The following CSMD2 variants were observed in gnomAD, a reference collection of about 807,000 sequenced individuals.
CSMD2 encodes the protein CUB and Sushi multiple domains 2, also known as CUB and sushi domain-containing protein 2.
A neutral mutation model predicts 398.5 loss-of-function variants in CSMD2; 130 were observed. That is an observed-to-expected ratio of 0.33 (90% confidence interval 0.28 to 0.38). The LOEUF is 0.38. CSMD2 is among the 10% of genes least tolerant of loss of function. The pLI is 1.00. For missense variants in CSMD2, 3,829 were observed against 4,764.9 expected (o/e 0.80, Z 5.78); for synonymous variants, 1,828 against 1,908.5 (o/e 0.96, Z 1.10).
rs145147930 is a variant in CSMD2 at position 33,918,253 on chromosome 1, G to C, written c.761C>G (p.Ser254Cys). ...GTACTCCGAGGGGAAGTGGGGGCTG[G>C]AGATGATGCCACTCTGGCCCCGCAG... is the stretch of plus-strand genomic sequence containing the variant. ...GTLRGQSGIISSPHFPSEYHN... is the reference protein window; with the variant it reads ...GTLRGQSGIICSPHFPSEYHN... The change falls in exon 5 of 71, where the codon TCC (serine) becomes TGC (cysteine). Residue 254 changes from serine to cysteine, a missense_variant. This residue lies in a region of CSMD2 where 2,001 missense variants were observed against 2,567.1 expected (regional missense o/e 0.78). Transcript: ENST00000373381. 6.8e-6 allele frequency: 11 copies of C among 1,613,956 alleles called. No individual in the cohort carries two copies. The highest frequency in any genetic ancestry group is 9.3e-6 in the Non-Finnish European group (11 of 1,180,028).
chr1:33,668,927 G>A (rs1262635472), intron 25 of CSMD2, among the ~76,000 whole-genome samples: 1 of 152,212 alleles, frequency 6.6e-6, no homozygotes, highest in African/African-American at 2.4e-5. Context: ...ATAATAATAT[G>A]TGCAATAGGT....
chr1:33,807,720 T>C (rs552401425), intron 10 of CSMD2, among the ~76,000 whole-genome samples: 1 of 152,326 alleles, frequency 6.6e-6, no homozygotes, highest in African/African-American at 2.4e-5. Flanking sequence ...CACAAAATTA[T>C]TGTTTAATGC....
intron 3 of CSMD2, among the ~76,000 whole-genome samples, chr1:34,022,837 GGTTT>G (rs1036827708): frequency 3.9e-5 from 6 of 152,056 alleles, no homozygotes; most frequent in African/African-American, 1.4e-4. Flanking sequence ...TTGTTGGTTT[GGTTT>G]GTTTGTTTGA....
At chr1:33,909,027 AG>A (rs1201662812) in intron 5 of CSMD2, among the ~76,000 whole-genome samples, 1 of 152,232 alleles carries the variant, frequency 6.6e-6, no homozygotes, top group African/African-American at 2.4e-5. Context: ...ACAGGAAGGC[AG>A]GAGGTCTGAG....
chr1:33,547,420 A>G (rs1348129639), intron 56 of CSMD2, among the ~76,000 whole-genome samples: 1 of 152,264 alleles, frequency 6.6e-6, no homozygotes, highest in Non-Finnish European at 1.5e-5. Flanking sequence ...TACAACTATC[A>G]TGGAATCTAT....
At chr1:33,956,306 C>T (rs1356043798) in intron 3 of CSMD2, among the ~76,000 whole-genome samples, 1 of 152,078 alleles carries the variant, frequency 6.6e-6, no homozygotes, top group Non-Finnish European at 1.5e-5. Flanking sequence ...GTACCCACTA[C>T]GCAATAACAC....
intron 28 of CSMD2, among the ~76,000 whole-genome samples, chr1:33,650,133 T>C (rs185422232): frequency 1.7e-3 from 259 of 152,358 alleles, no homozygotes; most frequent in African/African-American, 5.8e-3. Flanking sequence ...AACTGCCTTC[T>C]TTCTGTCTCT....
rs116501074 is a variant in CSMD2 at position 33,770,531 on chromosome 1, G to A, written c.1846+2038C>T. On this transcript the variant is annotated intron_variant, in intron 13 of 70. Transcript: ENST00000373381. ...CTATATGCTGCAAAGGCATGGGGCC[G>A]GTTGGCTCCCTCTGGCTTCCTCCAT... Among the ~76,000 whole-genome samples, 648 of 152,310 alleles carry A rather than the reference G, an allele frequency of 4.3e-3. 6 individuals carry two copies. The highest frequency in any genetic ancestry group is 0.015 in the African/African-American group (621 of 41,574).
chr1:33,766,337 C>T (rs1206893654), intron 13 of CSMD2, among the ~76,000 whole-genome samples: 3 of 152,114 alleles, frequency 2.0e-5, no homozygotes, highest in Non-Finnish European at 4.4e-5. Context: ...CGGGCCCAAC[C>T]ATTCTAACAG....
intron 65 of CSMD2, 146 bp from the exon 66 acceptor site, chr1:33,525,189 G>A (rs968433790): frequency 3.7e-6 from 3 of 812,546 alleles, no homozygotes; most frequent in Non-Finnish European, 5.9e-6. Context: ...GAATGCTCTG[G>A]CCTCTTCTCG....
chr1:33,863,454 T>C (rs1639698338), intron 5 of CSMD2: 1 of 152,082 alleles, frequency 6.6e-6, no homozygotes, highest in Non-Finnish European at 1.5e-5. Flanking sequence ...ATCTCAAGGT[T>C]CTCCCCCCTC....
chr1:33,602,635 G>T, intron 42 of CSMD2, 89 bp from the exon 43 acceptor site: 1 of 1,159,610 alleles, frequency 8.6e-7, no homozygotes, highest in South Asian at 1.8e-5. Flanking sequence ...CCAGCTCCCA[G>T]AACTAATCAT....
In CSMD2 at chr1:33,537,607, C is replaced by G. The variant is rs1157108560; in HGVS notation, c.9634G>C (p.Val3212Leu). The G allele has an allele frequency of 6.2e-7, 1 of 1,610,418 alleles. No homozygotes were observed. The highest frequency in any genetic ancestry group is 1.3e-5 in the African/African-American group (1 of 74,842). The change falls in exon 61 of 71, where the codon GTG becomes CTG. Residue 3212 changes from valine (V) to leucine (L), a missense_variant and splice_region_variant. Val to Leu is a conservative substitution (Grantham distance 32, BLOSUM62 1). Transcript: ENST00000373381. The surrounding 1 kb of genome is among the most constrained non-coding windows in gnomAD (Gnocchi z 4.6). Reference sequence around the variant, plus strand: ...GGGACACCAGGATCCCCGCAGAACACAGCTGGGAAGACGAAGGGAGAAAGG... The same window carrying G: ...GGGACACCAGGATCCCCGCAGAACAGAGCTGGGAAGACGAAGGGAGAAAGG... ...WTGELPQCFP[V>L]FCGDPGVPSR... is the part of the protein sequence containing the mutation.
At chr1:33,864,717 A>G in intron 5 of CSMD2, 4 of 1,612,910 alleles carry the variant, frequency 2.5e-6, no homozygotes, top group Non-Finnish European at 3.4e-6. Flanking sequence ...GTCAGCTAGA[A>G]ACCGGTGCAG....
At chr1:34,119,653 C>T (rs1286118377) in intron 1 of CSMD2, among the ~76,000 whole-genome samples, 1 of 152,140 alleles carries the variant, frequency 6.6e-6, no homozygotes, top group Non-Finnish European at 1.5e-5. Flanking sequence ...AAATGGCTGA[C>T]AAACATATGA....
At chr1:33,749,556 GAGAGA>G (rs546066527) in intron 13 of CSMD2, among the ~76,000 whole-genome samples, 16 of 152,130 alleles carry the variant, frequency 1.1e-4, no homozygotes, top group African/African-American at 3.1e-4. Flanking sequence ...CATGATTAAG[GAGAGA>G]AGAGAGAATA....
rs1487585683 is a variant in CSMD2, at chr1:33,625,109, C to T, written c.5442G>A (p.Glu1814=). The T allele has an allele frequency of 6.2e-7, 1 of 1,614,098 alleles. No individual in the cohort carries two copies. Among genetic ancestry groups the T allele is most frequent in the Admixed American group, 1.7e-5 (1 of 60,036 alleles). The change falls in exon 34 of 71, where the codon GAG becomes GAA. Residue 1814 remains glutamate, a synonymous_variant. Transcript: ENST00000373381. ...GYALQGSPEI[E]CLPVPGALAQ... ...CCAAGGCCCCAGGCACAGGGAGGCACTCGATCTCTGGCGACCCCTGCAGGG... is the reference window on the plus strand; with the variant it reads ...CCAAGGCCCCAGGCACAGGGAGGCATTCGATCTCTGGCGACCCCTGCAGGG...
intron 2 of CSMD2, among the ~76,000 whole-genome samples, chr1:34,063,469 G>C (rs1447546170): frequency 6.6e-6 from 1 of 152,180 alleles, no homozygotes; most frequent in African/African-American, 2.4e-5. Context: ...AAGGGTTACA[G>C]GGCCCATGCA....
intron 9 of CSMD2, among the ~76,000 whole-genome samples, chr1:33,812,275 T>C (rs761365471): frequency 6.6e-6 from 1 of 152,138 alleles, no homozygotes; most frequent in Non-Finnish European, 1.5e-5. Context: ...GAGCAGGTGT[T>C]GTCAGAGGGT....
Sources: gnomAD v4.1 joint callset for allele counts (sites outside exome capture counted in the v4.1 genomes callset) on GRCh38, gnomAD v4.1.1 for gene constraint, gnomAD v4.1.1 regional missense constraint, Gnocchi (gnomAD v3.1) non-coding constraint, MANE v1.5 for transcripts, NCBI Gene and HGNC (gene_info 2026-07-23, HGNC 2026-07-21) for gene names.